The following BCAS3 variants were observed in gnomAD, a reference collection of about 807,000 sequenced individuals.
BCAS3 encodes BCAS3 microtubule associated cell migration factor.
A neutral mutation model predicts 116.1 loss-of-function variants in BCAS3; 53 were observed. That is an observed-to-expected ratio of 0.46 (90% CI 0.37 to 0.57). BCAS3 has a LOEUF of 0.57. BCAS3 is among the 20% of genes least tolerant of loss of function. BCAS3 has a pLI of 0.00. For synonymous variants in BCAS3, 391 were observed against 408.2 expected (o/e 0.96, Z 0.51); for missense variants, 917 against 1,165.4 (o/e 0.79, Z 3.10).
chr17:61,213,459 C>T lies in BCAS3; in HGVS notation c.2425+128895C>T, dbSNP rs570763108. ...CTGGGATTACAGGTGTGAGCCACCG[C>T]GCCTGGCCTATTCATATATTTTTAT... On this transcript the variant is annotated intron_variant, in intron 22 of 23. Coordinates refer to ENST00000407086, the MANE Select transcript of BCAS3 (RefSeq NM_017679.5). This position sits in a 1 kb window ranked among gnomAD's most constrained non-coding sequence, Gnocchi z 5.4. Among the ~76,000 whole-genome samples, 61 of 152,156 alleles carry T rather than the reference C, an allele frequency of 4.0e-4. 1 individual carries two copies. The highest frequency in any genetic ancestry group is 1.3e-3 in the African/African-American group (56 of 41,498).
At chr17:61,152,484 T>C (rs973000392) in intron 22 of BCAS3, among the ~76,000 whole-genome samples, 1 of 152,108 alleles carries the variant, frequency 6.6e-6, no homozygotes, top group African/African-American at 2.4e-5. Flanking sequence ...ACCCAGGAAG[T>C]CCAGATGGCT....
intron 22 of BCAS3, among the ~76,000 whole-genome samples, chr17:61,292,886 A>G (rs1284406986): frequency 1.3e-5 from 2 of 152,240 alleles, no homozygotes; most frequent in South Asian, 2.1e-4. Flanking sequence ...TCATCAATAC[A>G]TACAGAATAT....
chr17:61,202,156 G>A lies in BCAS3; in HGVS notation c.2425+117592G>A, dbSNP rs1247800140. On this transcript the variant is annotated intron_variant, in intron 22 of 23. Transcript: ENST00000407086. ...TGATTTTTTTTTTTTTTTTTTTAAA[G>A]AGATGGAGTCTCGCTCTGTCTCCCA... 2.1e-3 allele frequency among the ~76,000 whole-genome samples: 195 copies of A among 92,920 alleles called. 2 individuals are homozygous for A. The highest frequency in any genetic ancestry group is 7.0e-3 in the African/African-American group (189 of 26,994). The allele number at this position is 92,920 out of a possible 152,430, so 61.0% of individuals were successfully genotyped here.
intron 7 of BCAS3, among the ~76,000 whole-genome samples, chr17:60,837,474 A>G (rs1472801558): frequency 1.3e-5 from 2 of 152,158 alleles, no homozygotes; most frequent in African/African-American, 2.4e-5. Context: ...ATCACTACAG[A>G]TCTTATGATC....
chr17:61,186,469 C>T lies in BCAS3; in HGVS notation c.2425+101905C>T, dbSNP rs1385424475. ...GGTATACACATGTCAATTTATGCTGCGTAACTCAGAGCCTGCTTCCACTTT... is the reference window on the plus strand; with the variant it reads ...GGTATACACATGTCAATTTATGCTGTGTAACTCAGAGCCTGCTTCCACTTT... On this transcript the variant is annotated intron_variant, in intron 22 of 23. Transcript: ENST00000407086. The surrounding 1 kb of genome is among the most constrained non-coding windows in gnomAD (Gnocchi z 4.9). 2.0e-5 allele frequency among the ~76,000 whole-genome samples: 3 copies of T among 152,160 alleles called. No homozygotes were observed. The highest frequency in any genetic ancestry group is 4.4e-5 in the Non-Finnish European group (3 of 68,034).
chr17:61,119,727 A>T (rs1397747595), intron 22 of BCAS3, among the ~76,000 whole-genome samples: 1 of 152,018 alleles, frequency 6.6e-6, no homozygotes, highest in Non-Finnish European at 1.5e-5. Flanking sequence ...CAAAATCACC[A>T]TTTACAGACA....
chr17:60,932,995 C>A (rs1009760157), intron 13 of BCAS3, among the ~76,000 whole-genome samples: 2 of 151,634 alleles, frequency 1.3e-5, no homozygotes, highest in Admixed American at 6.6e-5. Context: ...GCCAACATGG[C>A]GAAACCTCAT....
chr17:61,030,146 C>A (rs1348070197), intron 16 of BCAS3, among the ~76,000 whole-genome samples: 1 of 151,996 alleles, frequency 6.6e-6, no homozygotes, highest in Non-Finnish European at 1.5e-5. Flanking sequence ...ATACTTAGAT[C>A]AATATTGGGT....
At chr17:61,384,096 C>T (rs1176242079) in intron 23 of BCAS3, among the ~76,000 whole-genome samples, 1 of 152,234 alleles carries the variant, frequency 6.6e-6, no homozygotes, top group African/African-American at 2.4e-5. Flanking sequence ...TGAGACTCCT[C>T]CAGGCCCCCC....
intron 10 of BCAS3, among the ~76,000 whole-genome samples, chr17:60,890,504 C>T (rs2057072665): frequency 6.6e-6 from 1 of 151,734 alleles, no homozygotes; most frequent in Non-Finnish European, 1.5e-5. Flanking sequence ...TATATGCTAA[C>T]AACTATATCT....
chr17:60,741,014 A>C, intron 5 of BCAS3, among the ~76,000 whole-genome samples: 1 of 152,192 alleles, frequency 6.6e-6, no homozygotes. Context: ...ACAATTTTTA[A>C]TTTTTACATT....
intron 5 of BCAS3, among the ~76,000 whole-genome samples, chr17:60,710,410 T>G (rs1284205953): frequency 6.6e-6 from 1 of 151,964 alleles, no homozygotes; most frequent in Non-Finnish European, 1.5e-5. Flanking sequence ...AACAAGCACA[T>G]TCACCTTTCA....
chr17:60,683,279 A>T (rs1254618119), intron 2 of BCAS3, among the ~76,000 whole-genome samples: 1 of 152,132 alleles, frequency 6.6e-6, no homozygotes, highest in Non-Finnish European at 1.5e-5. Context: ...TGCTCTAATT[A>T]GGGCATTCTT....
At chr17:61,270,179 G>A (rs559523831) in intron 22 of BCAS3, among the ~76,000 whole-genome samples, 1 of 147,054 alleles carries the variant, frequency 6.8e-6, no homozygotes, top group East Asian at 2.0e-4. Flanking sequence ...GAGTGCGATG[G>A]TGCGATCCCG....
chr17:61,149,354 G>A (rs1183621129), intron 22 of BCAS3, among the ~76,000 whole-genome samples: 4 of 152,004 alleles, frequency 2.6e-5, no homozygotes, highest in South Asian at 4.1e-4. Flanking sequence ...AAGATTATTC[G>A]AGAAGAATTG....
rs1365212471 is a variant in BCAS3, at chr17:61,213,218, G to C, written c.2425+128654G>C. Among the ~76,000 whole-genome samples the C allele has an allele frequency of 6.6e-6, 1 of 152,120 alleles. No individual in the cohort carries two copies. The highest frequency in any genetic ancestry group is 1.5e-5 in the Non-Finnish European group (1 of 68,024). ...TGAGTCTCACTCTGTCACCCAGGCT[G>C]GAGTGCGGTGGTGCAGTCTTGGCTC... On this transcript the variant is annotated intron_variant, in intron 22 of 23. Coordinates refer to ENST00000407086, the MANE Select transcript of BCAS3 (RefSeq NM_017679.5). This position sits in a 1 kb window ranked among gnomAD's most constrained non-coding sequence, Gnocchi z 5.4.
chr17:61,299,217 G>T (rs1384495254), intron 22 of BCAS3, among the ~76,000 whole-genome samples: 2 of 151,914 alleles, frequency 1.3e-5, no homozygotes, highest in Non-Finnish European at 2.9e-5. Context: ...GCTGCGGCAG[G>T]TGGATCACGA....
At chr17:60,894,119 A>G (rs1253281891) in intron 10 of BCAS3, among the ~76,000 whole-genome samples, 1 of 152,098 alleles carries the variant, frequency 6.6e-6, no homozygotes, top group African/African-American at 2.4e-5. Context: ...TCTGTGGAAA[A>G]AACATTAATA....
At chr17:61,184,584 A>C (rs1184802748) in intron 22 of BCAS3, among the ~76,000 whole-genome samples, 1 of 152,186 alleles carries the variant, frequency 6.6e-6, no homozygotes, top group Non-Finnish European at 1.5e-5. Flanking sequence ...CTTGCCATCT[A>C]ATCTAATCAT....
Sources: gnomAD v4.1 joint callset for allele counts (sites outside exome capture counted in the v4.1 genomes callset) on GRCh38, gnomAD v4.1.1 for gene constraint, Gnocchi (gnomAD v3.1) non-coding constraint, MANE v1.5 for transcripts, NCBI Gene and HGNC (gene_info 2026-07-23, HGNC 2026-07-21) for gene names.